MACROD2: variants seen among roughly 807,000 people sequenced by gnomAD.
The protein encoded by MACROD2 is ADP-ribose glycohydrolase MACROD2.
A neutral mutation model predicts 70.4 loss-of-function variants in MACROD2; 36 were observed. The observed-to-expected ratio is 0.51, with a 90% confidence interval of 0.39 to 0.68. The LOEUF is 0.68. MACROD2 is among the 30% of genes least tolerant of loss of function. The pLI is 0.00. For synonymous variants in MACROD2, 172 were observed against 178.8 expected (o/e 0.96, Z 0.30); for missense variants, 496 against 538.4 (o/e 0.92, Z 0.78).
chr20:15,060,469 T>C (rs1229087020), intron 5 of MACROD2, among the ~76,000 whole-genome samples: 1 of 152,158 alleles, frequency 6.6e-6, no homozygotes, highest in East Asian at 1.9e-4. Flanking sequence ...GGCAACAGCC[T>C]CGGGGCATTT....
chr20:15,210,670 A>C (rs2076755550), intron 5 of MACROD2, among the ~76,000 whole-genome samples: 2 of 150,624 alleles, frequency 1.3e-5, no homozygotes, highest in East Asian at 3.9e-4. Context: ...GCCTGGTGAG[A>C]GCTGTTTAGA....
chr20:16,051,861 CA>C lies in MACROD2; in HGVS notation c.*1986del, dbSNP rs2067462800. On this transcript the variant is annotated 3_prime_UTR_variant, in exon 18 of 18. Transcript: ENST00000684519. Reference sequence around the variant, plus strand: ...ACAGTTGAAAAAAACATGAGGGAAACAGAGGGACAGAGATTTTCTAATGAAC... The same window carrying C: ...ACAGTTGAAAAAAACATGAGGGAAACGAGGGACAGAGATTTTCTAATGAAC... The C allele has an allele frequency of 6.6e-6, 1 of 152,104 alleles. No individual in the cohort carries two copies. Among genetic ancestry groups the C allele is most frequent in the Non-Finnish European group, 1.5e-5 (1 of 68,024 alleles). The allele number at this position is 152,104 out of a possible 1,614,324, so 9.4% of individuals were successfully genotyped here.
At chr20:14,511,231 A>C (rs1408928899) in intron 4 of MACROD2, among the ~76,000 whole-genome samples, 1 of 152,104 alleles carries the variant, frequency 6.6e-6, no homozygotes, top group Non-Finnish European at 1.5e-5. Context: ...GTAAGAAAAC[A>C]TGTAACTTAA....
chr20:15,209,677 T>C (rs2076744329), intron 5 of MACROD2, among the ~76,000 whole-genome samples: 1 of 152,220 alleles, frequency 6.6e-6, no homozygotes, highest in Non-Finnish European at 1.5e-5. Context: ...TTAATACACA[T>C]CACAGAGGTA....
At chr20:15,450,495 A>G (rs893118781) in intron 7 of MACROD2, among the ~76,000 whole-genome samples, 3 of 152,078 alleles carry the variant, frequency 2.0e-5, no homozygotes, top group Non-Finnish European at 4.4e-5. Context: ...GCTTATATGT[A>G]CACACGTATT....
intron 5 of MACROD2, among the ~76,000 whole-genome samples, chr20:14,713,165 G>C (rs2071358339): frequency 1.3e-5 from 2 of 152,128 alleles, no homozygotes; most frequent in African/African-American, 2.4e-5. Context: ...GTGCCTTAGA[G>C]TAGAGGTAAT....
At chr20:15,155,236 G>T (rs1459233591) in intron 5 of MACROD2, among the ~76,000 whole-genome samples, 1 of 151,462 alleles carries the variant, frequency 6.6e-6, no homozygotes, top group African/African-American at 2.4e-5. Flanking sequence ...TTCTGATCTT[G>T]TGGGCACCCC....
intron 15 of MACROD2, among the ~76,000 whole-genome samples, chr20:16,015,965 G>A (rs1280348281): frequency 6.6e-6 from 1 of 152,038 alleles, no homozygotes; most frequent in Admixed American, 6.6e-5. Flanking sequence ...GTGTGAGGGT[G>A]TGAGGGAACT....
At chr20:15,587,036 T>G (rs6043378) in intron 8 of MACROD2, among the ~76,000 whole-genome samples, 38,558 of 152,054 alleles carry the variant, frequency 0.25, 5,512 homozygotes, top group South Asian at 0.39. Context: ...ATAATTCCAA[T>G]AAAATACTAT....
Position 14,450,291 on chromosome 20 carries a change from A to C in MACROD2, c.272-43188A>C, listed in dbSNP as rs140201544. 3.2e-4 allele frequency among the ~76,000 whole-genome samples: 48 copies of C among 152,276 alleles called. 1 individual carries two copies. Among genetic ancestry groups the C allele is most frequent in the African/African-American group, 1.0e-3 (43 of 41,510 alleles). ...TATGCATGTTGGTTCTAAGAAGTAC[A>C]CATTGGGCTAATGAGAATAGAACAG... On this transcript the variant is annotated intron_variant, in intron 3 of 17. Transcript: ENST00000684519.
chr20:15,116,380 C>A (rs897138536), intron 5 of MACROD2, among the ~76,000 whole-genome samples: 1 of 152,150 alleles, frequency 6.6e-6, no homozygotes, highest in African/African-American at 2.4e-5. Context: ...CGGTGGCCCA[C>A]GCCTGTAATC....
intron 8 of MACROD2, among the ~76,000 whole-genome samples, chr20:15,645,573 C>G (rs536914658): frequency 1.3e-5 from 2 of 152,294 alleles, no homozygotes; most frequent in Non-Finnish European, 2.9e-5. Flanking sequence ...AAAGAGAAAA[C>G]AGAATCTGGC....
chr20:14,508,135 A>C (rs999248832), intron 4 of MACROD2, among the ~76,000 whole-genome samples: 1 of 152,204 alleles, frequency 6.6e-6, no homozygotes, highest in Non-Finnish European at 1.5e-5. Flanking sequence ...AAAAGACTCA[A>C]GAAACAAGAG....
At chr20:14,851,042 A>G (rs1009308320) in intron 5 of MACROD2, among the ~76,000 whole-genome samples, 4 of 152,142 alleles carry the variant, frequency 2.6e-5, no homozygotes, top group East Asian at 3.9e-4. Context: ...ATAAGGCCTC[A>G]TATTATTATT....
intron 3 of MACROD2, among the ~76,000 whole-genome samples, chr20:14,099,563 T>G (rs796314969): frequency 2.0e-5 from 3 of 152,352 alleles, no homozygotes; most frequent in African/African-American, 7.2e-5. Flanking sequence ...TCACAACTTA[T>G]ATATCCTATC....
At chr20:15,158,910 T>C (rs940949668) in intron 5 of MACROD2, among the ~76,000 whole-genome samples, 2 of 152,150 alleles carry the variant, frequency 1.3e-5, no homozygotes, top group African/African-American at 4.8e-5. Context: ...CCAGGAAATC[T>C]GAAGATGTTG....
chr20:15,075,066 C>T (rs1036390348), intron 5 of MACROD2, among the ~76,000 whole-genome samples: 1 of 152,120 alleles, frequency 6.6e-6, no homozygotes, highest in South Asian at 2.1e-4. Flanking sequence ...AAGTCTGGAA[C>T]AAAAATCAAA....
At chr20:14,768,758 A>G (rs2072126530) in intron 5 of MACROD2, among the ~76,000 whole-genome samples, 1 of 152,042 alleles carries the variant, frequency 6.6e-6, no homozygotes, top group South Asian at 2.1e-4. Flanking sequence ...CTGGGATTAC[A>G]GGCCTGCACT....
chr20:14,869,549 A>G (rs1435995791), intron 5 of MACROD2, among the ~76,000 whole-genome samples: 3 of 152,130 alleles, frequency 2.0e-5, no homozygotes, highest in Non-Finnish European at 4.4e-5. Flanking sequence ...CACAGGAGCA[A>G]TGGGTTGCTG....
Sources: gnomAD v4.1 joint callset for allele counts (sites outside exome capture counted in the v4.1 genomes callset) on GRCh38, gnomAD v4.1.1 for gene constraint, MANE v1.5 for transcripts, NCBI Gene and HGNC (gene_info 2026-07-23, HGNC 2026-07-21) for gene names.